The following JAKMIP3 variants were observed in gnomAD, a reference collection of about 807,000 sequenced individuals.
JAKMIP3 encodes Janus kinase and microtubule interacting protein 3.
In JAKMIP3, 58 loss-of-function variants were observed where a neutral mutation model predicts 118.5. The ratio of observed to expected loss-of-function variants is 0.49; its 90% confidence interval spans 0.40 to 0.61. JAKMIP3 has a LOEUF of 0.61. Among genes scored for constraint, JAKMIP3 ranks in the 20% least tolerant of loss-of-function variants. The pLI, the probability that JAKMIP3 is intolerant of heterozygous loss-of-function variation, is 0.00. For missense variants in JAKMIP3, 950 were observed against 1,109.0 expected (o/e 0.86, Z 2.04); for synonymous variants, 486 against 451.2 (o/e 1.08, Z -0.98).
upstream of JAKMIP3, among the ~76,000 whole-genome samples, chr10:132,065,012 G>T (rs2038601159): frequency 6.6e-6 from 1 of 152,176 alleles, no homozygotes; most frequent in African/African-American, 2.4e-5. This position sits in a 1 kb window ranked among gnomAD's most constrained non-coding sequence, Gnocchi z 5.6. Context: ...GGTCCTCCCA[G>T]GCTGACCCCC....
intron 2 of JAKMIP3, among the ~76,000 whole-genome samples, chr10:132,109,053 T>TGCACATATACAC (rs2046390634): frequency 2.1e-5 from 2 of 96,984 alleles, no homozygotes; most frequent in Non-Finnish European, 4.9e-5. Flanking sequence ...TACACACACA[T>TGCACATATACAC]ACATGCACAT....
chr10:132,070,053 C>A (rs1195342202), intron 1 of JAKMIP3, among the ~76,000 whole-genome samples: 1 of 152,052 alleles, frequency 6.6e-6, no homozygotes, highest in Non-Finnish European at 1.5e-5. Context: ...TGCTGATGTA[C>A]CACCCTGTGG....
chr10:132,141,914 C>G lies in JAKMIP3; in HGVS notation c.1474-6C>G. 6.3e-7 allele frequency: 1 copy of G among 1,592,122 alleles called. No homozygotes were observed. Among genetic ancestry groups the G allele is most frequent in the Non-Finnish European group, 8.5e-7 (1 of 1,170,020 alleles). On this transcript the variant is annotated splice_polypyrimidine_tract_variant and splice_region_variant and intron_variant, in intron 10 of 23. Transcript: ENST00000684848. ...CTGTGCGTGTGTGGCATCCGTGTCT[C>G]TCCAGGGCATGGCCAAGGAGGAGAC...
rs1476463090 is a variant in JAKMIP3, at chr10:132,149,493, G to C, written c.1930G>C (p.Glu644Gln). The change falls in exon 15 of 24, where the codon GAG becomes CAG. Residue 644 changes from glutamate (E) to glutamine (Q), a missense_variant. Glu to Gln is a conservative substitution (Grantham distance 29). Transcript: ENST00000684848. Reference sequence around the variant, plus strand: ...GAAGAGCCCCCTCCAGGTGTACTGCGAGGCCGAAGGTGTGACGGTGAGTCC... The same window carrying C: ...GAAGAGCCCCCTCCAGGTGTACTGCCAGGCCGAAGGTGTGACGGTGAGTCC... Reference protein sequence around the residue: ...DGKSPLQVYCEAEGVTDIVVA... With the variant: ...DGKSPLQVYCQAEGVTDIVVA... 5 of 1,584,276 alleles carry C rather than the reference G, an allele frequency of 3.2e-6. No individual in the cohort carries two copies. Among genetic ancestry groups the C allele is most frequent in the African/African-American group, 1.4e-5 (1 of 70,808 alleles).
chr10:132,143,403 C>T (rs1039406776), intron 11 of JAKMIP3, among the ~76,000 whole-genome samples: 9 of 152,106 alleles, frequency 5.9e-5, no homozygotes, highest in African/African-American at 1.9e-4. Flanking sequence ...TGGCCAAGCT[C>T]GCCAGGAGCT....
chr10:132,148,485 A>G (rs376177519), intron 14 of JAKMIP3, among the ~76,000 whole-genome samples: 6 of 92,296 alleles, frequency 6.5e-5, no homozygotes, highest in South Asian at 4.3e-4. Context: ...TCCTCCATCC[A>G]CCCCCAAGGA....
chr10:132,180,544 TGC>T (rs1554962747), intron 23 of JAKMIP3, among the ~76,000 whole-genome samples: 669 of 25,954 alleles, frequency 0.026, 119 homozygotes, highest in East Asian at 0.11. Flanking sequence ...TGTGTGTGTG[TGC>T]GTGCGTGCAT....
rs1322934498 is a variant in JAKMIP3, at chr10:132,180,726, T to TGC, written c.*1104-1630_*1104-1629insCG. Among the ~76,000 whole-genome samples, 37 of 21,118 alleles carry TGC rather than the reference T, an allele frequency of 1.8e-3. 12 individuals are homozygous for TGC. The highest frequency in any genetic ancestry group is 0.014 in the East Asian group (4 of 292). 13.9% of individuals were successfully genotyped at this position (21,118 alleles called of 152,430 possible). ...GTGTGTGCGCGTGTGTGTGCGTGTG[T>TGC]GTGCGTGTGTGCGTGCGTGCGCGCG... On this transcript the variant is annotated intron_variant, in intron 23 of 23. Coordinates refer to ENST00000684848, the MANE Select transcript of JAKMIP3 (RefSeq NM_001323087.2).
At chr10:132,093,483 C>G (rs2043374774) in intron 1 of JAKMIP3, among the ~76,000 whole-genome samples, 1 of 152,220 alleles carries the variant, frequency 6.6e-6, no homozygotes, top group African/African-American at 2.4e-5. Context: ...AGTTAGATCT[C>G]AGACTGCTGT....
At chr10:132,167,666 C>T (rs550908172) in intron 22 of JAKMIP3, among the ~76,000 whole-genome samples, 20 of 152,276 alleles carry the variant, frequency 1.3e-4, no homozygotes, top group Middle Eastern at 3.4e-3. Context: ...GAGTCTGCAC[C>T]CTTCAGCAGG....
At chr10:132,125,494 C>G (rs1477409223) in intron 3 of JAKMIP3, among the ~76,000 whole-genome samples, 2 of 152,260 alleles carry the variant, frequency 1.3e-5, no homozygotes, top group African/African-American at 4.8e-5. Flanking sequence ...CCTGACATCT[C>G]GTCGTCTAAG....
chr10:132,109,455 C>A (rs1045566385), intron 2 of JAKMIP3, among the ~76,000 whole-genome samples: 3 of 152,234 alleles, frequency 2.0e-5, no homozygotes, highest in African/African-American at 4.8e-5. Flanking sequence ...AAGCTCTCCG[C>A]CCGGCTGCCT....
intron 3 of JAKMIP3, among the ~76,000 whole-genome samples, chr10:132,132,040 G>A (rs149064585): frequency 2.6e-5 from 4 of 152,196 alleles, no homozygotes; most frequent in Non-Finnish European, 4.4e-5. Context: ...TGATGGACAC[G>A]CTCTTATTTC....
chr10:132,100,079 C>T (rs1211479953), intron 1 of JAKMIP3, among the ~76,000 whole-genome samples: 1 of 152,178 alleles, frequency 6.6e-6, no homozygotes, highest in East Asian at 1.9e-4. Context: ...GCTCCTGCCC[C>T]CGGGCTGATC....
intron 1 of JAKMIP3, among the ~76,000 whole-genome samples, chr10:132,098,349 A>G (rs1229578055): frequency 6.6e-6 from 1 of 152,152 alleles, no homozygotes; most frequent in Non-Finnish European, 1.5e-5. Flanking sequence ...TACAAAGTGA[A>G]ATGTGCTAGA....
At chr10:132,086,638 T>C (rs1443833800) in intron 1 of JAKMIP3, among the ~76,000 whole-genome samples, 1 of 152,222 alleles carries the variant, frequency 6.6e-6, no homozygotes, top group African/African-American at 2.4e-5. Flanking sequence ...TTAATTGCTA[T>C]TGCTTTAAAG....
chr10:132,105,164 C>T (rs546352989), intron 2 of JAKMIP3, among the ~76,000 whole-genome samples: 74 of 152,338 alleles, frequency 4.9e-4, no homozygotes, highest in African/African-American at 1.7e-3. Context: ...CCGCAAACCA[C>T]GCTGAGCTCA....
chr10:132,131,810 G>T (rs538632863), intron 3 of JAKMIP3, among the ~76,000 whole-genome samples: 2 of 152,122 alleles, frequency 1.3e-5, no homozygotes, highest in Non-Finnish European at 2.9e-5. Context: ...TGTCTGTGTG[G>T]GTGCAGGTGG....
chr10:132,137,456 T>C (rs1000634458), intron 8 of JAKMIP3, among the ~76,000 whole-genome samples, 167 bp downstream of exon 8: 27 of 152,312 alleles, frequency 1.8e-4, no homozygotes, highest in Non-Finnish European at 3.7e-4. Flanking sequence ...TGTGCACGGG[T>C]GGCTGACGCC....
Sources: allele counts gnomAD v4.1 joint callset (sites outside exome capture counted in the v4.1 genomes callset), GRCh38; gene constraint gnomAD v4.1.1; non-coding constraint Gnocchi (gnomAD v3.1); transcripts MANE v1.5; gene names NCBI Gene and HGNC (gene_info 2026-07-23, HGNC 2026-07-21).